FAM117A: variants seen among roughly 807,000 people sequenced by gnomAD.
FAM117A encodes the protein family with sequence similarity 117 member A.
In FAM117A, 21 loss-of-function variants were observed where a neutral mutation model predicts 44.1. That is an observed-to-expected ratio of 0.48 (90% CI 0.34 to 0.69). The LOEUF is 0.69. Among genes scored for constraint, FAM117A ranks in the 30% least tolerant of loss-of-function variants. The probability of loss-of-function intolerance (pLI) is 0.01; values close to 1 mark genes in which losing one functional copy is unlikely to be tolerated. For missense variants in FAM117A, 498 were observed against 589.9 expected (o/e 0.84, Z 1.61); for synonymous variants, 220 against 238.3 (o/e 0.92, Z 0.71).
At chr17:49,720,032 G>A in intron 4 of FAM117A, 138 bp from the exon 5 acceptor site, 1 of 1,229,164 alleles carries the variant, frequency 8.1e-7, no homozygotes, top group East Asian at 2.6e-5. Context: ...GTTACAGATT[G>A]CAATAGGTCC....
intron 1 of FAM117A, among the ~76,000 whole-genome samples, chr17:49,751,782 A>G (rs1300721025): frequency 1.0e-4 from 15 of 150,008 alleles, no homozygotes. Context: ...GTCTCTACTA[A>G]AAATACAAAA....
intron 7 of FAM117A, among the ~76,000 whole-genome samples, chr17:49,715,743 G>A (rs575050969): frequency 1.3e-5 from 2 of 152,106 alleles, no homozygotes; most frequent in South Asian, 4.2e-4. Context: ...TACTCCAGTG[G>A]GGCTGAAACA....
intron 1 of FAM117A, among the ~76,000 whole-genome samples, chr17:49,780,768 T>C (rs550769688): frequency 2.6e-5 from 4 of 152,162 alleles, no homozygotes; most frequent in Admixed American, 6.6e-5. Context: ...CCACTAGATG[T>C]AATTGGGATG....
At chr17:49,757,630 C>T (rs915111618) in intron 1 of FAM117A, among the ~76,000 whole-genome samples, 1 of 151,734 alleles carries the variant, frequency 6.6e-6, no homozygotes, top group Non-Finnish European at 1.5e-5. Context: ...CCTTCATGAG[C>T]TCCACACGAC....
At position 49,724,506 on chromosome 17, in the gene FAM117A, T is replaced by C; in HGVS notation, c.367-1912A>G. ...CTTTCTTCTGGGATATGCGAGAGGA[T>C]GGAAAGAGAAATGCAGGCTAGCACA... On this transcript the variant is annotated intron_variant, in intron 2 of 7. Coordinates refer to ENST00000240364, the MANE Select transcript of FAM117A (RefSeq NM_030802.4). 6.6e-6 allele frequency: 3 copies of C among 455,978 alleles called. 1 individual carries two copies. The highest frequency in any genetic ancestry group is 4.6e-5 in the South Asian group (3 of 64,566). The allele number at this position is 455,978 out of a possible 1,614,324, so 28.2% of individuals were successfully genotyped here.
intron 1 of FAM117A, among the ~76,000 whole-genome samples, chr17:49,780,428 G>T (rs72839112): frequency 0.048 from 7,335 of 152,228 alleles, 304 homozygotes; most frequent in East Asian, 0.21. Context: ...ACATGCTGGG[G>T]TAAGGGCAGT....
chr17:49,718,756 G>A (rs2073517802), intron 5 of FAM117A, among the ~76,000 whole-genome samples: 1 of 152,016 alleles, frequency 6.6e-6, no homozygotes, highest in African/African-American at 2.4e-5. Context: ...GCCAAGGTGG[G>A]TGGATCATGA....
chr17:49,715,727 C>G (rs753531319), intron 7 of FAM117A, among the ~76,000 whole-genome samples: 2 of 152,146 alleles, frequency 1.3e-5, no homozygotes, highest in East Asian at 1.9e-4. Context: ...TTTAGGCCCC[C>G]CATTCTACTC....
intron 1 of FAM117A, among the ~76,000 whole-genome samples, chr17:49,748,569 C>T (rs576786664): frequency 1.3e-5 from 2 of 152,156 alleles, no homozygotes; most frequent in South Asian, 2.1e-4. Flanking sequence ...GCTGGGGTAA[C>T]AATATAGTAA....
chr17:49,714,650 CTTT>C (rs1276744945), intron 7 of FAM117A, among the ~76,000 whole-genome samples: 2 of 140,052 alleles, frequency 1.4e-5, no homozygotes, highest in Non-Finnish European at 1.6e-5. Context: ...TCACCACTTC[CTTT>C]TTTTTTTTTT....
rs763069470 is a variant in FAM117A at position 49,717,537 on chromosome 17, G to A, written c.886C>T (p.Leu296=). The A allele has an allele frequency of 5.6e-6, 9 of 1,613,956 alleles. No individual in the cohort carries two copies. The South Asian group carries it at 9.9e-5, about 18-fold the overall frequency. ...CCTTTGTCGTTGGGGGTGGATGCCA[G>A]CTCCTCGGCGGCACCCCGATGTTCC... ...HEEHRGAAEE[L]ASTPNDKASS... is the part of the protein sequence containing the mutation. Residue 296 remains leucine (L), a synonymous_variant, in exon 6 of 8, where the codon CTG becomes TTG. Transcript: ENST00000240364.
At chr17:49,740,142 G>T (rs1159487466) in intron 1 of FAM117A, among the ~76,000 whole-genome samples, 1 of 152,198 alleles carries the variant, frequency 6.6e-6, no homozygotes, top group Non-Finnish European at 1.5e-5. Context: ...TGCCTGTTGG[G>T]GGAAAGTCAA....
upstream of FAM117A, among the ~76,000 whole-genome samples, chr17:49,768,489 G>A (rs1317912174): frequency 2.6e-5 from 4 of 152,140 alleles, no homozygotes; most frequent in South Asian, 2.1e-4. Context: ...AAGTGCTTAC[G>A]TCTTTGCTCC....
chr17:49,749,402 C>T (rs369857123), intron 1 of FAM117A, among the ~76,000 whole-genome samples: 4 of 151,724 alleles, frequency 2.6e-5, no homozygotes, highest in East Asian at 1.9e-4. Context: ...TGGTGAAACC[C>T]CATCTCTACT....
At chr17:49,739,707 A>G (rs760423941) in intron 1 of FAM117A, among the ~76,000 whole-genome samples, 5 of 152,252 alleles carry the variant, frequency 3.3e-5, no homozygotes, top group African/African-American at 4.8e-5. Context: ...GATTTAGGAA[A>G]TAGGGGAGGG....
intron 5 of FAM117A, among the ~76,000 whole-genome samples, chr17:49,719,358 TGAA>T (rs1197859383): frequency 6.6e-6 from 1 of 151,938 alleles, no homozygotes; most frequent in Non-Finnish European, 1.5e-5. Context: ...CAGCTTGGCA[TGAA>T]GGAGGCATGC....
chr17:49,776,512 G>A lies in FAM117A; in HGVS notation c.-621+11985C>T, dbSNP rs78286772. ...TAATGCTAAGAAATTATGGAGGTGC[G>A]TCTAGAGGTTTCTAGCTGCTCCTGG... On this transcript the variant is annotated intron_variant, in intron 1 of 7. Coordinates refer to the FAM117A transcript ENST00000513602. Among the ~76,000 whole-genome samples, 933 of 152,258 alleles carry A rather than the reference G, an allele frequency of 6.1e-3. 10 individuals are homozygous for A. Among genetic ancestry groups the A allele is most frequent in the African/African-American group, 0.021 (889 of 41,526 alleles).
chr17:49,773,776 T>G (rs1182588346), intron 1 of FAM117A, among the ~76,000 whole-genome samples: 1 of 151,922 alleles, frequency 6.6e-6, no homozygotes, highest in Non-Finnish European at 1.5e-5. Flanking sequence ...TTCTGGCGAC[T>G]GAGTTTCATT....
chr17:49,786,902 G>C (rs1481225636), intron 1 of FAM117A, among the ~76,000 whole-genome samples: 6 of 151,718 alleles, frequency 4.0e-5, no homozygotes, highest in African/African-American at 1.5e-4. Context: ...TGGGCAGCAT[G>C]GTGAAACTCT....
Sources: gnomAD v4.1 joint callset for allele counts (sites outside exome capture counted in the v4.1 genomes callset) on GRCh38, gnomAD v4.1.1 for gene constraint, MANE v1.5 for transcripts, NCBI Gene and HGNC (gene_info 2026-07-23, HGNC 2026-07-21) for gene names.